Variants in GAA observed in about 807,000 individuals in gnomAD.
GAA encodes the protein alpha glucosidase.
In GAA, 88 loss-of-function variants were observed where a neutral mutation model predicts 103.9. That is an observed-to-expected ratio of 0.85 (90% CI 0.71 to 1.01). GAA has a LOEUF of 1.01. GAA is among the 50% of genes least tolerant of loss of function. GAA has a pLI of 0.00. For missense variants in GAA, 1,350 were observed against 1,305.3 expected (o/e 1.03, Z -0.53); for synonymous variants, 572 against 563.1 (o/e 1.02, Z -0.22).
At chr17:80,108,856 G>A (rs1387720312) in intron 8 of GAA, 28 bp downstream of exon 8, 1 of 1,567,930 alleles carries the variant, frequency 6.4e-7, no homozygotes, top group East Asian at 2.4e-5. Context: ...GTGGGTCTTT[G>A]GGAAGGGGGC....
At chr17:80,116,845 C>T in intron 15 of GAA, 123 bp from the exon 16 acceptor site, 2 of 1,115,096 alleles carry the variant, frequency 1.8e-6, no homozygotes, top group South Asian at 1.3e-5. Context: ...CCTCCAAGTC[C>T]TCCGGCACCT....
Position 80,113,118 on chromosome 17 carries a change from A to G in GAA, c.2040+91A>G, listed in dbSNP as rs2039283599. On this transcript the variant is annotated intron_variant, in intron 14 of 19. Transcript: ENST00000302262. ...CCCACCCCTGCTGGAGAAGCACCCC[A>G]TGCTGGGTGGCTGAGAAGTGCAGCT... The G allele has an allele frequency of 1.6e-5, 24 of 1,502,096 alleles. No individual in the cohort carries two copies. In the South Asian group the frequency reaches 2.6e-4, roughly 16 times the overall value. 93.0% of individuals were successfully genotyped at this position (1,502,096 alleles called of 1,614,324 possible).
At chr17:80,115,071 T>G (rs146767109) in intron 15 of GAA, among the ~76,000 whole-genome samples, 3 of 147,144 alleles carry the variant, frequency 2.0e-5, no homozygotes, top group African/African-American at 7.5e-5. Flanking sequence ...GAGTTTATCT[T>G]ACTGGGAGTT....
intron 13 of GAA, 62 bp from the exon 14 acceptor site, chr17:80,112,814 C>T (rs1397098962): frequency 2.5e-6 from 4 of 1,582,686 alleles, no homozygotes; most frequent in African/African-American, 2.7e-5. Context: ...GGCTCTGGGT[C>T]ACTTGGCCTG....
rs371814233 is a variant in GAA, at chr17:80,108,644, G to C, written c.1194+37G>C. On this transcript the variant is annotated intron_variant, in intron 7 of 19. Transcript: ENST00000302262. ...TGGTGGCAGGGGAGGCAAGGGGCTG[G>C]CCGGGACGCGTCTCCTCAGGCCCCA... 22 of 1,612,504 alleles carry C rather than the reference G, an allele frequency of 1.4e-5. No homozygotes were observed. The East Asian group carries it at 4.9e-4, about 36-fold the overall frequency.
intron 17 of GAA, 28 bp from the exon 18 acceptor site, chr17:80,118,165 A>T: frequency 1.2e-6 from 2 of 1,611,822 alleles, no homozygotes; most frequent in Non-Finnish European, 1.7e-6. Context: ...GGTGGGGATG[A>T]TGACATCACG....
chr17:80,119,211 C>T (rs566476651), intron 19 of GAA, 61 bp from the exon 20 acceptor site: 24 of 1,517,756 alleles, frequency 1.6e-5, no homozygotes, highest in African/African-American at 1.5e-4. Context: ...GCCTTCTGAG[C>T]GCTGGGGTCT....
intron 1 of GAA, chr17:80,102,752 G>C (rs2038984456): frequency 6.6e-6 from 1 of 152,208 alleles, no homozygotes; most frequent in Admixed American, 6.5e-5. Flanking sequence ...CCTGAGTTCT[G>C]TGACCCTGAA....
In GAA at chr17:80,110,993, A is replaced by G. The variant is rs1262434066; in HGVS notation, c.1604A>G (p.Asn535Ser). The change falls in exon 11 of 20, where the codon AAC becomes AGC. Residue 535 changes from asparagine (N) to serine (S), a missense_variant. Coordinates refer to ENST00000302262, the MANE Select transcript of GAA (RefSeq NM_000152.5). ...FIRGSEDGCP[N>S]NELENPPYVP... is the part of the protein sequence containing the mutation. ...AGGGGCTCTGAGGACGGCTGCCCCA[A>G]CAATGAGCTGGAGAACCCACCCTAC... The G allele has an allele frequency of 4.3e-6, 7 of 1,613,806 alleles. No homozygotes were observed. In the African/African-American group the frequency reaches 8.0e-5, roughly 18 times the overall value.
At chr17:80,108,990 C>T (rs2039166285) in intron 8 of GAA, among the ~76,000 whole-genome samples, 162 bp downstream of exon 8, 1 of 152,190 alleles carries the variant, frequency 6.6e-6, no homozygotes, top group Non-Finnish European at 1.5e-5. Context: ...AGGCTTGGCC[C>T]CAGCTGTCCA....
rs142626724 is a variant in GAA, at chr17:80,107,716, G to A, written c.852G>A (p.Ala284=). Residue 284 remains alanine (A), a synonymous_variant, in exon 4 of 20, where the codon GCG becomes GCA. Coordinates refer to ENST00000302262, the MANE Select transcript of GAA (RefSeq NM_000152.5). ...TRITLWNRDL[A]PTPGANLYGS... is the part of the protein sequence containing the mutation. ...TCACCCTGTGGAACCGGGACCTTGC[G>A]CCCACGGTACAGCGGCGGGCGGCGG... 8.2e-3 allele frequency: 13,156 copies of A among 1,603,506 alleles called. 74 individuals are homozygous for A. Among genetic ancestry groups the A allele is most frequent in the Middle Eastern group, 0.022 (131 of 6,046 alleles).
In GAA at chr17:80,108,295, G is replaced by A. The variant is rs895612400; in HGVS notation, c.961G>A (p.Val321Ile). 6 of 1,613,466 alleles carry A rather than the reference G, an allele frequency of 3.7e-6. No individual in the cohort carries two copies. The highest frequency in any genetic ancestry group is 5.1e-6 in the Non-Finnish European group (6 of 1,180,026). ...CAGAGCTGCTTCCCTTCCAGATGTG[G>A]TCCTGCAGCCGAGCCCTGCCCTTAG... ...FLLNSNAMDVVLQPSPALSWR... is the reference protein window; with the variant it reads ...FLLNSNAMDVILQPSPALSWR... Residue 321 changes from valine (V) to isoleucine (I), a missense_variant, in exon 6 of 20, where the codon GTC becomes ATC. Coordinates refer to ENST00000302262, the MANE Select transcript of GAA (RefSeq NM_000152.5).
chr17:80,108,226 G>C, intron 5 of GAA, 64 bp from the exon 6 acceptor site: 1 of 1,612,442 alleles, frequency 6.2e-7, no homozygotes. Context: ...TGGCCCATCT[G>C]TGGGGTGCAG....
rs750055374 is a variant in GAA, at chr17:80,118,174, C to T, written c.2482-19C>T. 1.7e-5 allele frequency: 27 copies of T among 1,612,358 alleles called. No homozygotes were observed. The highest frequency in any genetic ancestry group is 1.1e-4 in the African/African-American group (8 of 74,940). ...CACCAGGGTGGGGATGATGACATCA[C>T]GTGTCCTTCCCTTTCCAGGGCCCTG... On this transcript the variant is annotated intron_variant, in intron 17 of 19. Coordinates refer to ENST00000302262, the MANE Select transcript of GAA (RefSeq NM_000152.5).
intron 1 of GAA, among the ~76,000 whole-genome samples, chr17:80,103,441 A>G (rs1320017848): frequency 1.3e-5 from 2 of 152,088 alleles, no homozygotes; most frequent in Non-Finnish European, 2.9e-5. Flanking sequence ...CGCCCTCCCC[A>G]TGGTGTATTA....
rs1031721446 is a variant in GAA, at chr17:80,111,966, G to A, written c.1637-17G>A. The A allele has an allele frequency of 3.7e-6, 6 of 1,605,980 alleles. No individual in the cohort carries two copies. Among genetic ancestry groups the A allele is most frequent in the Admixed American group, 3.3e-5 (2 of 59,972 alleles). On this transcript the variant is annotated splice_polypyrimidine_tract_variant and intron_variant, in intron 11 of 19. Coordinates refer to ENST00000302262, the MANE Select transcript of GAA (RefSeq NM_000152.5). ...CCGGGAGGAAGCTCCCTGGAAACCAGCCCCCGCCTCTTCCAGGGGTGGTTG... is the reference window on the plus strand; with the variant it reads ...CCGGGAGGAAGCTCCCTGGAAACCAACCCCCGCCTCTTCCAGGGGTGGTTG...
chr17:80,104,615 A>G lies in GAA; in HGVS notation c.29A>G (p.His10Arg), dbSNP rs2143823914. MGVRHPPCS[H>R]RLLAVCALVS... Reference sequence around the variant, plus strand: ...GGAGTGAGGCACCCGCCCTGCTCCCACCGGCTCCTGGCCGTCTGCGCCCTC... The same window carrying G: ...GGAGTGAGGCACCCGCCCTGCTCCCGCCGGCTCCTGGCCGTCTGCGCCCTC... Residue 10 changes from histidine to arginine, a missense_variant, in exon 2 of 20, where the codon CAC (histidine) becomes CGC (arginine). Transcript: ENST00000302262. This position sits in a 1 kb window ranked among gnomAD's most constrained non-coding sequence, Gnocchi z 4.0. 1 of 1,612,602 alleles carries G rather than the reference A, an allele frequency of 6.2e-7. No homozygotes were observed.
Position 80,107,617 on chromosome 17 carries a change from G to A in GAA, c.753G>A (p.Ser251=), listed in dbSNP as rs761363283. 5.0e-6 allele frequency: 8 copies of A among 1,613,180 alleles called. No homozygotes were observed. The highest frequency in any genetic ancestry group is 1.6e-4 in the Middle Eastern group (1 of 6,062). Reference sequence around the variant, plus strand: ...ACCAGTTCCTTCAGCTGTCCACCTCGCTGCCCTCGCAGTATATCACAGGCC... The same window carrying A: ...ACCAGTTCCTTCAGCTGTCCACCTCACTGCCCTCGCAGTATATCACAGGCC... ...FADQFLQLST[S]LPSQYITGLA... is the part of the protein sequence containing the mutation. Residue 251 remains serine (S), a synonymous_variant, in exon 4 of 20, where the codon TCG becomes TCA. Coordinates refer to ENST00000302262, the MANE Select transcript of GAA (RefSeq NM_000152.5).
At chr17:80,118,000 C>T (rs974359478) in intron 17 of GAA, among the ~76,000 whole-genome samples, 193 bp from the exon 18 acceptor site, 2 of 152,184 alleles carry the variant, frequency 1.3e-5, no homozygotes, top group Non-Finnish European at 2.9e-5. Context: ...CTCGGGCAGC[C>T]GTGGGATAGC....
Sources: gnomAD v4.1 joint callset for allele counts (sites outside exome capture counted in the v4.1 genomes callset) on GRCh38, gnomAD v4.1.1 for gene constraint, Gnocchi (gnomAD v3.1) non-coding constraint, MANE v1.5 for transcripts, NCBI Gene and HGNC (gene_info 2026-07-23, HGNC 2026-07-21) for gene names.